Variants in TBC1D24 observed in about 807,000 individuals in gnomAD.
TBC1D24 encodes TBC1 domain family member 24, also known as Infantile myoclonic epilepsy.
A neutral mutation model predicts 50.7 loss-of-function variants in TBC1D24; 47 were observed. That is an observed-to-expected ratio of 0.93 (90% CI 0.73 to 1.18). The LOEUF is 1.18. Ranked by LOEUF, TBC1D24 falls within the 50% of genes most tolerant of loss-of-function variation. The pLI, the probability that TBC1D24 is intolerant of heterozygous loss-of-function variation, is 0.00. For missense variants in TBC1D24, 688 were observed against 766.5 expected (o/e 0.90, Z 1.21); for synonymous variants, 324 against 335.2 (o/e 0.97, Z 0.36).
rs529334119 is a variant in TBC1D24 at position 2,500,511 on chromosome 16, C to A, written c.1525+21C>A. On this transcript the variant is annotated intron_variant, in intron 7 of 7. Coordinates refer to ENST00000646147, the MANE Select transcript of TBC1D24 (RefSeq NM_001199107.2). This position sits in a 1 kb window ranked among gnomAD's most constrained non-coding sequence, Gnocchi z 8.0. ...CGTCGGTGAGCGCCAGCAGACGGGG[C>A]TCTGGGATGAGGGTGTGGGGTCCGG... is the stretch of plus-strand genomic sequence containing the variant. 1 of 1,544,608 alleles carries A rather than the reference C, an allele frequency of 6.5e-7. No homozygotes were observed. Among genetic ancestry groups the A allele is most frequent in the Non-Finnish European group, 8.7e-7 (1 of 1,145,770 alleles).
At chr16:2,494,576 C>A (rs2141868831) in intron 1 of TBC1D24, among the ~76,000 whole-genome samples, 1 of 152,020 alleles carries the variant, frequency 6.6e-6, no homozygotes, top group African/African-American at 2.4e-5. Flanking sequence ...GGGTCAGCCT[C>A]TTTTTTTGGT....
chr16:2,497,797 T>G, intron 3 of TBC1D24, 70 bp downstream of exon 3: 1 of 1,467,158 alleles, frequency 6.8e-7, no homozygotes, highest in Non-Finnish European at 9.2e-7. Flanking sequence ...GCCAGCTGCT[T>G]GCTCTGGGTC....
intron 1 of TBC1D24, among the ~76,000 whole-genome samples, chr16:2,490,985 A>G (rs1392393704): frequency 6.6e-6 from 1 of 152,076 alleles, no homozygotes; most frequent in African/African-American, 2.4e-5. Flanking sequence ...AGGGAAAGCC[A>G]CTCGGCCGTG....
rs901354911 is a variant in TBC1D24 at position 2,504,414 on chromosome 16, C to CTTTTTTTTTTTTTTTT, written c.*3463_*3478dup. ...AACCACAGGCCTATTGAGATTGTCCCTTTTTTTTTTTTTTTTTTTTTTGAG... is the reference window on the plus strand; with the variant it reads ...AACCACAGGCCTATTGAGATTGTCCCTTTTTTTTTTTTTTTTTTTTTTTTTTTTTTTTTTTTTTGAG... On this transcript the variant is annotated 3_prime_UTR_variant, in exon 8 of 8. Transcript: ENST00000646147. The CTTTTTTTTTTTTTTTT allele has an allele frequency of 2.1e-4, 27 of 125,658 alleles. No homozygotes were observed. Among genetic ancestry groups the CTTTTTTTTTTTTTTTT allele is most frequent in the African/African-American group, 7.3e-4 (22 of 29,984 alleles). 7.8% of individuals were successfully genotyped at this position (125,658 alleles called of 1,614,324 possible). A position where few individuals can be genotyped will look rare whatever the true frequency, so the allele number is the denominator to read the frequency against.
rs755880523 is a variant in TBC1D24, at chr16:2,500,807, G to T, written c.1529G>T (p.Gly510Val). The change falls in exon 8 of 8, where the codon GGA (glycine) becomes GTA (valine). Residue 510 changes from glycine to valine, a missense_variant. Transcript: ENST00000646147. The surrounding 1 kb of genome is among the most constrained non-coding windows in gnomAD (Gnocchi z 8.0). ...AGGSDCLIVGGGGGQALYIDG... is the reference protein window; with the variant it reads ...AGGSDCLIVGVGGGQALYIDG... The stretch of plus-strand genomic sequence containing the variant: ...CACTGACCTGAGCATCCTGCAGGGG[G>T]AGGAGGCGGCCAGGCGCTCTACATC... 1 of 1,604,120 alleles carries T rather than the reference G, an allele frequency of 6.2e-7. No homozygotes were observed. The highest frequency in any genetic ancestry group is 8.5e-7 in the Non-Finnish European group (1 of 1,179,538).
At chr16:2,491,975 A>G (rs2141865738) in intron 1 of TBC1D24, among the ~76,000 whole-genome samples, 1 of 152,014 alleles carries the variant, frequency 6.6e-6, no homozygotes, top group South Asian at 2.1e-4. Flanking sequence ...AATAGCTGGG[A>G]TTACAGGTGC....
intron 3 of TBC1D24, among the ~76,000 whole-genome samples, 187 bp downstream of exon 3, chr16:2,497,914 C>G (rs1287713911): frequency 6.6e-6 from 1 of 152,124 alleles, no homozygotes; most frequent in Non-Finnish European, 1.5e-5. Flanking sequence ...CTGTCTGCCT[C>G]TGTCATGCTA....
rs1271616327 is a variant in TBC1D24 at position 2,486,203 on chromosome 16, G to T, written c.-115-9831G>T. ...CCGCCAGGGGAGCCCACTGAGAGGA[G>T]CCTGCATCTCCTATCACGTGAAGCC... On this transcript the variant is annotated intron_variant, in intron 1 of 7. Transcript: ENST00000646147. This position sits in a 1 kb window ranked among gnomAD's most constrained non-coding sequence, Gnocchi z 5.8. Among the ~76,000 whole-genome samples the T allele has an allele frequency of 6.6e-6, 1 of 152,222 alleles. No individual in the cohort carries two copies. Among genetic ancestry groups the T allele is most frequent in the African/African-American group, 2.4e-5 (1 of 41,470 alleles).
At position 2,499,222 on chromosome 16, in the gene TBC1D24, G is replaced by T; in HGVS notation, c.1143-135G>T. 1.3e-6 allele frequency: 1 copy of T among 779,470 alleles called. No homozygotes were observed. The highest frequency in any genetic ancestry group is 2.2e-6 in the Non-Finnish European group (1 of 449,344). 48.3% of individuals were successfully genotyped at this position (779,470 alleles called of 1,614,324 possible). Reference sequence around the variant, plus strand: ...AGGTGAGAAGAACACCTGGGTGAGGGTGTTGTCGGGACCCAGAGAGAAGGA... The same window carrying T: ...AGGTGAGAAGAACACCTGGGTGAGGTTGTTGTCGGGACCCAGAGAGAAGGA... On this transcript the variant is annotated intron_variant, in intron 4 of 7. Coordinates refer to ENST00000646147, the MANE Select transcript of TBC1D24 (RefSeq NM_001199107.2). The surrounding 1 kb of genome is among the most constrained non-coding windows in gnomAD (Gnocchi z 4.0).
At chr16:2,494,543 C>T (rs1039848599) in intron 1 of TBC1D24, among the ~76,000 whole-genome samples, 1 of 152,026 alleles carries the variant, frequency 6.6e-6, no homozygotes, top group Non-Finnish European at 1.5e-5. Flanking sequence ...GGACCATGCT[C>T]GAGTGGAAAG....
chr16:2,498,143 G>T, intron 3 of TBC1D24, 95 bp from the exon 4 acceptor site: 4 of 1,484,388 alleles, frequency 2.7e-6, no homozygotes, highest in Non-Finnish European at 3.6e-6. Context: ...GTTCCCTCTG[G>T]GTTTACTTCC....
At position 2,500,535 on chromosome 16, in the gene TBC1D24, G is replaced by T. The variant is rs1489345787; in HGVS notation, c.1525+45G>T. On this transcript the variant is annotated intron_variant, in intron 7 of 7. Coordinates refer to ENST00000646147, the MANE Select transcript of TBC1D24 (RefSeq NM_001199107.2). This position sits in a 1 kb window ranked among gnomAD's most constrained non-coding sequence, Gnocchi z 8.0. Reference sequence around the variant, plus strand: ...GCTCTGGGATGAGGGTGTGGGGTCCGGGCAGCTGAAGCTGCTGCACCCAGC... The same window carrying T: ...GCTCTGGGATGAGGGTGTGGGGTCCTGGCAGCTGAAGCTGCTGCACCCAGC... 4 of 1,523,818 alleles carry T rather than the reference G, an allele frequency of 2.6e-6. No individual in the cohort carries two copies. 94.4% of individuals were successfully genotyped at this position (1,523,818 alleles called of 1,614,324 possible). A position where few individuals can be genotyped will look rare whatever the true frequency, so the allele number is the denominator to read the frequency against.
intron 1 of TBC1D24, chr16:2,485,000 C>T (rs992459963): frequency 6.6e-6 from 1 of 152,262 alleles, no homozygotes. Flanking sequence ...GCCATCCACA[C>T]CCCGCTCCAG....
chr16:2,479,689 G>A (rs2065595772), intron 1 of TBC1D24: 1 of 152,174 alleles, frequency 6.6e-6, no homozygotes, highest in South Asian at 2.1e-4. Context: ...GATAAGGCTT[G>A]AGCTGTTATC....
chr16:2,488,981 A>C (rs1282603218), intron 1 of TBC1D24, among the ~76,000 whole-genome samples: 1 of 150,686 alleles, frequency 6.6e-6, no homozygotes, highest in Non-Finnish European at 1.5e-5. Flanking sequence ...GAGGCAGAAG[A>C]ATCACTTGAA....
At chr16:2,492,555 G>C (rs1313450232) in intron 1 of TBC1D24, among the ~76,000 whole-genome samples, 1 of 152,186 alleles carries the variant, frequency 6.6e-6, no homozygotes, top group African/African-American at 2.4e-5. Flanking sequence ...CCAGAGGCTA[G>C]TGGGCCCATA....
At position 2,495,002 on chromosome 16, in the gene TBC1D24, T is replaced by TCACACACA. The variant is rs527454795; in HGVS notation, c.-115-1007_-115-1000dup. 9.1e-4 allele frequency among the ~76,000 whole-genome samples: 125 copies of TCACACACA among 138,050 alleles called. 1 individual carries two copies. Among genetic ancestry groups the TCACACACA allele is most frequent in the African/African-American group, 3.1e-3 (116 of 37,718 alleles). The allele number at this position is 138,050 out of a possible 152,430, so 90.6% of individuals were successfully genotyped here. On this transcript the variant is annotated intron_variant, in intron 1 of 7. Transcript: ENST00000646147. ...ACCTGGGTGACAGAACAAGACCCCA[T>TCACACACA]CACACACACACACACACACACACAC... is the stretch of plus-strand genomic sequence containing the variant.
At chr16:2,490,176 G>A (rs563723899) in intron 1 of TBC1D24, among the ~76,000 whole-genome samples, 1 of 152,326 alleles carries the variant, frequency 6.6e-6, no homozygotes, top group African/African-American at 2.4e-5. Context: ...ATCTGAAACT[G>A]TCTGTGTCTG....
rs773916549 is a variant in TBC1D24, at chr16:2,496,264, C to A, written c.116C>A (p.Ala39Glu). 12 of 1,613,670 alleles carry A rather than the reference C, an allele frequency of 7.4e-6. No individual in the cohort carries two copies. Among genetic ancestry groups the A allele is most frequent in the Non-Finnish European group, 9.3e-6 (11 of 1,180,034 alleles). ...GAACTGCAGGAACTGAAGCAGCTGG[C>A]GCGCCAGGGCTACTGGGCCCAAAGC... ...CTELQELKQL[A>E]RQGYWAQSHA... is the part of the protein sequence containing the mutation. Residue 39 changes from alanine to glutamate, a missense_variant, in exon 2 of 8, where the codon GCG becomes GAG. By Grantham distance (107) the Ala-to-Glu change is moderately radical. Transcript: ENST00000646147.
Sources: allele counts gnomAD v4.1 joint callset (sites outside exome capture counted in the v4.1 genomes callset), GRCh38; gene constraint gnomAD v4.1.1; non-coding constraint Gnocchi (gnomAD v3.1); transcripts MANE v1.5; gene names NCBI Gene and HGNC (gene_info 2026-07-23, HGNC 2026-07-21).